The following OSBPL11 variants were observed in gnomAD, a reference collection of about 807,000 sequenced individuals.
OSBPL11 encodes oxysterol binding protein like 11, also known as oxysterol-binding protein-related protein 11.
A neutral mutation model predicts 84.4 loss-of-function variants in OSBPL11; 33 were observed. The observed-to-expected ratio is 0.39, with a 90% CI of 0.30 to 0.52. OSBPL11 has a LOEUF of 0.52. Among genes scored for constraint, OSBPL11 ranks in the 20% least tolerant of loss-of-function variants. The pLI is 0.72. For synonymous variants in OSBPL11, 276 were observed against 310.2 expected (o/e 0.89, Z 1.16); for missense variants, 736 against 901.1 (o/e 0.82, Z 2.35).
At chr3:125,531,667 T>C (rs1405057624) in intron 12 of OSBPL11, among the ~76,000 whole-genome samples, 194 bp downstream of exon 12, 1 of 152,160 alleles carries the variant, frequency 6.6e-6, no homozygotes, top group Non-Finnish European at 1.5e-5. Context: ...GTTCTTGGTA[T>C]ATCTGCCTTT....
intron 8 of OSBPL11, among the ~76,000 whole-genome samples, chr3:125,559,126 C>A (rs1346167746): frequency 6.6e-6 from 1 of 152,180 alleles, no homozygotes; most frequent in Admixed American, 6.5e-5. Flanking sequence ...CAACAGAGAC[C>A]TATGTCCACA....
In OSBPL11 at chr3:125,542,761, C is replaced by T. The variant is rs114156289; in HGVS notation, c.1842-4128G>A. The stretch of plus-strand genomic sequence containing the variant: ...TCCTGATCTTGTGATCTACCCGCCT[C>T]GGCCTGACAAAGTTCTGGGATTACA... On this transcript the variant is annotated intron_variant, in intron 10 of 12. Transcript: ENST00000296220. Among the ~76,000 whole-genome samples the T allele has an allele frequency of 3.0e-3, 452 of 152,218 alleles. 2 individuals carry two copies. Among genetic ancestry groups the T allele is most frequent in the African/African-American group, 0.01 (421 of 41,528 alleles).
At position 125,579,042 on chromosome 3, in the gene OSBPL11, GT is replaced by G; in HGVS notation, c.410-4del. On this transcript the variant is annotated splice_polypyrimidine_tract_variant and splice_region_variant and intron_variant, in intron 3 of 12. Coordinates refer to ENST00000296220, the MANE Select transcript of OSBPL11 (RefSeq NM_022776.5). ...CTGTCGCTCTTTTGCATCTGTAGCT[GT>G]TAAAAGAATGTAAAAATTATTTTAT... The G allele has an allele frequency of 6.4e-7, 1 of 1,572,790 alleles. No individual in the cohort carries two copies. The highest frequency in any genetic ancestry group is 8.6e-7 in the Non-Finnish European group (1 of 1,156,410).
intron 2 of OSBPL11, among the ~76,000 whole-genome samples, chr3:125,581,755 T>C (rs1559847426): frequency 6.7e-6 from 1 of 150,064 alleles, no homozygotes; most frequent in South Asian, 2.1e-4. Flanking sequence ...TTGAGATTGC[T>C]TGAATCCAGG....
intron 11 of OSBPL11, among the ~76,000 whole-genome samples, chr3:125,533,236 T>A (rs1039295764): frequency 2.1e-5 from 3 of 141,422 alleles, no homozygotes; most frequent in African/African-American, 7.7e-5. Context: ...CTTTCTCTTC[T>A]GTTCTCGTCT....
At chr3:125,540,144 G>A (rs1935707749) in intron 10 of OSBPL11, among the ~76,000 whole-genome samples, 2 of 151,844 alleles carry the variant, frequency 1.3e-5, no homozygotes, top group East Asian at 1.9e-4. Flanking sequence ...ACAATCAAGA[G>A]TTAAGAGTAA....
chr3:125,567,341 C>T, intron 6 of OSBPL11, 53 bp downstream of exon 6: 2 of 1,431,338 alleles, frequency 1.4e-6, no homozygotes, highest in Admixed American at 3.5e-5. Flanking sequence ...AAATACAGTC[C>T]TTTCCATGTG....
intron 5 of OSBPL11, among the ~76,000 whole-genome samples, chr3:125,575,668 G>A (rs188805441): frequency 6.7e-6 from 1 of 149,954 alleles, no homozygotes; most frequent in Non-Finnish European, 1.5e-5. Context: ...TAGCTGGTAC[G>A]ACAGGTGCAC....
chr3:125,547,459 A>C lies in OSBPL11; in HGVS notation c.1788T>G (p.Tyr596Ter). Residue 596 changes from tyrosine (Y) to a stop codon, truncating the protein, a stop_gained, in exon 10 of 13, where the codon TAT becomes TAG. Coordinates refer to ENST00000296220, the MANE Select transcript of OSBPL11 (RefSeq NM_022776.5). LOFTEE classifies it high-confidence loss of function. ...TGGTATGAAAAGTGATGCTGGCTGA[A>C]TATCCAGTTTTTGCACAGTTGACAC... Reference protein sequence around the residue: ...KVSVNCAKTGYSASITFHTKP... With the variant: ...KVSVNCAKTG 6.2e-7 allele frequency: 1 copy of C among 1,614,134 alleles called. No homozygotes were observed. The highest frequency in any genetic ancestry group is 8.5e-7 in the Non-Finnish European group (1 of 1,180,014).
At chr3:125,580,154 T>A in intron 2 of OSBPL11, 114 bp from the exon 3 acceptor site, 1 of 883,876 alleles carries the variant, frequency 1.1e-6, no homozygotes, top group Non-Finnish European at 1.7e-6. Flanking sequence ...AAATAAAATT[T>A]AAAAGCATTT....
chr3:125,549,449 G>A (rs1236503024), intron 9 of OSBPL11, among the ~76,000 whole-genome samples: 1 of 152,094 alleles, frequency 6.6e-6, no homozygotes, highest in Non-Finnish European at 1.5e-5. Context: ...ATTAAAGCAT[G>A]GTTAAGACAT....
intron 4 of OSBPL11, among the ~76,000 whole-genome samples, chr3:125,578,733 T>C (rs569612339): frequency 6.6e-6 from 1 of 151,562 alleles, no homozygotes; most frequent in Admixed American, 6.6e-5. Context: ...ATTGCGCCAC[T>C]GCACTCTAGC....
At chr3:125,546,557 C>T (rs1935819708) in intron 10 of OSBPL11, among the ~76,000 whole-genome samples, 1 of 152,046 alleles carries the variant, frequency 6.6e-6, no homozygotes, top group South Asian at 2.1e-4. Flanking sequence ...GTCTCGAAAT[C>T]CTGACCTCAG....
chr3:125,594,806 C>G lies in OSBPL11; in HGVS notation c.-6G>C. 6.2e-7 allele frequency: 1 copy of G among 1,612,794 alleles called. No homozygotes were observed. Among genetic ancestry groups the G allele is most frequent in the Non-Finnish European group, 8.5e-7 (1 of 1,179,090 alleles). On this transcript the variant is annotated 5_prime_UTR_variant, in exon 1 of 13. Coordinates refer to ENST00000296220, the MANE Select transcript of OSBPL11 (RefSeq NM_022776.5). ...ACTGGTTCACCCCCCTGCATCTTAA[C>G]GCCAAAGTCCACTTGCCCTTCTTGA...
intron 10 of OSBPL11, among the ~76,000 whole-genome samples, chr3:125,546,479 T>G (rs1300803112): frequency 6.6e-6 from 1 of 152,144 alleles, no homozygotes; most frequent in Non-Finnish European, 1.5e-5. Flanking sequence ...ATTACAGGCA[T>G]GCGCCACCAT....
chr3:125,593,494 C>T (rs1261103991), intron 1 of OSBPL11, among the ~76,000 whole-genome samples: 1 of 151,940 alleles, frequency 6.6e-6, no homozygotes, highest in African/African-American at 2.4e-5. Context: ...GTGGCGCACG[C>T]CTGTAATCCC....
At chr3:125,570,309 C>G (rs1243726597) in intron 5 of OSBPL11, among the ~76,000 whole-genome samples, 1 of 134,570 alleles carries the variant, frequency 7.4e-6, no homozygotes, top group Non-Finnish European at 1.5e-5. Context: ...CTGGGGAACA[C>G]AGCAAGACAC....
intron 9 of OSBPL11, among the ~76,000 whole-genome samples, chr3:125,551,555 G>C (rs576778274): frequency 6.6e-6 from 1 of 152,202 alleles, no homozygotes; most frequent in South Asian, 2.1e-4. Context: ...GATCATCAGA[G>C]GTCAGGAGTT....
intron 8 of OSBPL11, among the ~76,000 whole-genome samples, chr3:125,554,027 T>A (rs1265795894): frequency 6.6e-6 from 1 of 152,220 alleles, no homozygotes; most frequent in Non-Finnish European, 1.5e-5. Flanking sequence ...CTGATCGCAC[T>A]AGGTACCTCT....
Sources: allele counts gnomAD v4.1 joint callset (sites outside exome capture counted in the v4.1 genomes callset), GRCh38; gene constraint gnomAD v4.1.1; transcripts MANE v1.5; gene names NCBI Gene and HGNC (gene_info 2026-07-23, HGNC 2026-07-21).